The following ZDHHC1 variants were observed in gnomAD, a reference collection of about 807,000 sequenced individuals.
ZDHHC1 encodes zDHHC palmitoyltransferase 1.
Under a neutral mutation model 46.9 loss-of-function variants are expected in ZDHHC1, and 45 were observed. That is an observed-to-expected ratio of 0.96 (90% CI 0.76 to 1.23). The LOEUF (loss-of-function observed/expected upper bound fraction) is 1.23. Ranked by LOEUF, ZDHHC1 falls within the 50% of genes most tolerant of loss-of-function variation. The pLI, the probability that ZDHHC1 is intolerant of heterozygous loss-of-function variation, is 0.00. For missense variants in ZDHHC1, 649 were observed against 670.8 expected, an observed-to-expected ratio of 0.97 and a Z score of 0.36; for synonymous variants, 291 against 286.0, an observed-to-expected ratio of 1.02 and a Z score of -0.18.
chr16:67,416,019 G>A (rs1359287977), intron 1 of ZDHHC1, among the ~76,000 whole-genome samples, 152 bp downstream of exon 1: 2 of 152,090 alleles, frequency 1.3e-5, no homozygotes, highest in Non-Finnish European at 2.9e-5. Flanking sequence ...CTTGATGCAT[G>A]CTAAAAGGAA....
chr16:67,415,887 T>C (rs2040826541), intron 1 of ZDHHC1, among the ~76,000 whole-genome samples: 1 of 152,216 alleles, frequency 6.6e-6, no homozygotes, highest in African/African-American at 2.4e-5. Flanking sequence ...TGACATCCGC[T>C]TCCCAGCCCC....
At chr16:67,409,601 G>T (rs2040718240) in intron 1 of ZDHHC1, among the ~76,000 whole-genome samples, 1 of 152,230 alleles carries the variant, frequency 6.6e-6, no homozygotes, top group Non-Finnish European at 1.5e-5. Context: ...GATTAAAAGG[G>T]CTGGGAGGTC....
At chr16:67,408,465 G>A (rs1038252840) in intron 1 of ZDHHC1, among the ~76,000 whole-genome samples, 5 of 151,512 alleles carry the variant, frequency 3.3e-5, no homozygotes, top group Non-Finnish European at 4.4e-5. Flanking sequence ...GTGAGCCACC[G>A]TGCCCGGCCT....
At chr16:67,409,984 C>T (rs1396837214) in intron 1 of ZDHHC1, among the ~76,000 whole-genome samples, 4 of 25,584 alleles carry the variant, frequency 1.6e-4, no homozygotes, top group Admixed American at 1.0e-3. Flanking sequence ...GGACAGGTGG[C>T]GGGGGTGGGG....
intron 8 of ZDHHC1, among the ~76,000 whole-genome samples, chr16:67,397,916 CCT>C (rs2040462741): frequency 6.6e-6 from 1 of 152,208 alleles, no homozygotes; most frequent in African/African-American, 2.4e-5. Flanking sequence ...CTGGTCCATC[CCT>C]CTCTCTCCTG....
chr16:67,413,399 C>A (rs564227357), intron 1 of ZDHHC1, among the ~76,000 whole-genome samples: 5 of 152,212 alleles, frequency 3.3e-5, no homozygotes, highest in Non-Finnish European at 7.3e-5. Flanking sequence ...CAGATTTTTA[C>A]ACTGCAAAAA....
At chr16:67,399,256 T>G (rs1164314296) in intron 5 of ZDHHC1, 99 bp downstream of exon 5, 3 of 1,124,788 alleles carry the variant, frequency 2.7e-6, no homozygotes, top group Non-Finnish European at 3.9e-6. Context: ...CCTCGAAGCA[T>G]CCCCATCCCC....
intron 5 of ZDHHC1, 26 bp downstream of exon 5, chr16:67,399,329 C>A: frequency 6.3e-7 from 1 of 1,594,946 alleles, no homozygotes; most frequent in African/African-American, 1.3e-5. Context: ...CATCCCCAGG[C>A]CCGCGTGCGG....
chr16:67,395,936 C>T, intron 8 of ZDHHC1: 1 of 232,104 alleles, frequency 4.3e-6, no homozygotes, highest in Non-Finnish European at 8.6e-6. Flanking sequence ...CAATTGTTTT[C>T]CCCTGGCTGA....
At chr16:67,412,866 T>A (rs988221517) in intron 1 of ZDHHC1, among the ~76,000 whole-genome samples, 4 of 152,058 alleles carry the variant, frequency 2.6e-5, no homozygotes, top group Non-Finnish European at 5.9e-5. Flanking sequence ...AGTGGTGCGA[T>A]CTTGGCTCAC....
Position 67,406,233 on chromosome 16 carries a change from G to A in ZDHHC1, c.219C>T (p.Leu73=), listed in dbSNP as rs1485301343. 6 of 1,613,590 alleles carry A rather than the reference G, an allele frequency of 3.7e-6. No individual in the cohort carries two copies. Among genetic ancestry groups the A allele is most frequent in the East Asian group, 2.2e-5 (1 of 44,874 alleles). The change falls in exon 3 of 12, where the codon CTC becomes CTT. Residue 73 remains leucine (L), a synonymous_variant. Transcript: ENST00000565726. The surrounding 1 kb of genome is among the most constrained non-coding windows in gnomAD (Gnocchi z 4.1). The part of the protein sequence containing the change: ...AVIGFGILVP[L]LPHHWVPAGY... ...CAGCGGGCACCCAGTGGTGAGGCAG[G>A]AGGGGAACAAGGATCCCAAAGCCGA...
intron 1 of ZDHHC1, among the ~76,000 whole-genome samples, chr16:67,410,923 C>G (rs1228671393): frequency 1.3e-5 from 2 of 152,124 alleles, no homozygotes; most frequent in Non-Finnish European, 2.9e-5. Flanking sequence ...TCAGCTCGGC[C>G]TCCCAAAGTG....
chr16:67,399,028 C>G (rs1173356718), intron 5 of ZDHHC1, 84 bp from the exon 6 acceptor site: 5 of 1,528,176 alleles, frequency 3.3e-6, no homozygotes, highest in Non-Finnish European at 4.4e-6. Flanking sequence ...AGGGTCATTG[C>G]TATGGGCTCA....
intron 1 of ZDHHC1, among the ~76,000 whole-genome samples, chr16:67,414,104 A>C (rs939749503): frequency 2.0e-5 from 3 of 152,190 alleles, no homozygotes; most frequent in African/African-American, 7.2e-5. Context: ...AAAGGGGACA[A>C]GTAGGAGGGA....
chr16:67,415,988 C>G (rs1375597577), intron 1 of ZDHHC1, among the ~76,000 whole-genome samples, 183 bp downstream of exon 1: 2 of 152,166 alleles, frequency 1.3e-5, no homozygotes, highest in Non-Finnish European at 2.9e-5. Context: ...AAAGAGTAAG[C>G]GCTCAAGGAA....
At chr16:67,413,825 G>A (rs2040789608) in intron 1 of ZDHHC1, among the ~76,000 whole-genome samples, 1 of 151,684 alleles carries the variant, frequency 6.6e-6, no homozygotes, top group South Asian at 2.1e-4. Flanking sequence ...TGTAATCCCA[G>A]CTACTCTGGA....
At chr16:67,407,862 C>T (rs2142254974) in intron 1 of ZDHHC1, 49 bp from the exon 2 acceptor site, 1 of 748,728 alleles carries the variant, frequency 1.3e-6, no homozygotes, top group Non-Finnish European at 2.5e-6. Flanking sequence ...GAATCCTGGT[C>T]CACCCTAAGC....
Position 67,394,453 on chromosome 16 carries a change from A to G in ZDHHC1, c.*157T>C, listed in dbSNP as rs1410730819. ...GCATAAAAAAGTTTATTGGAGCATCACAGCCGGTGGGGCGGGTATTGCTGA... is the reference window on the plus strand; with the variant it reads ...GCATAAAAAAGTTTATTGGAGCATCGCAGCCGGTGGGGCGGGTATTGCTGA... On this transcript the variant is annotated 3_prime_UTR_variant, in exon 12 of 12. Transcript: ENST00000565726. 1.8e-6 allele frequency: 1 copy of G among 546,050 alleles called. No homozygotes were observed. Among genetic ancestry groups the G allele is most frequent in the Non-Finnish European group, 2.5e-6 (1 of 400,410 alleles). The allele number at this position is 546,050 out of a possible 1,614,324, so 33.8% of individuals were successfully genotyped here.
chr16:67,415,050 G>A (rs951298775), intron 1 of ZDHHC1, among the ~76,000 whole-genome samples: 2 of 152,168 alleles, frequency 1.3e-5, no homozygotes, highest in Non-Finnish European at 2.9e-5. Context: ...CAGGAGAATC[G>A]CTTGAACCCG....
Sources: allele counts gnomAD v4.1 joint callset (sites outside exome capture counted in the v4.1 genomes callset), GRCh38; gene constraint gnomAD v4.1.1; non-coding constraint Gnocchi (gnomAD v3.1); transcripts MANE v1.5; gene names NCBI Gene and HGNC (gene_info 2026-07-23, HGNC 2026-07-21).